The following MAPKAPK3 variants were observed in gnomAD, a reference collection of about 807,000 sequenced individuals.
MAPKAPK3 encodes MAP kinase-activated protein kinase 3.
In MAPKAPK3, 35 loss-of-function variants were observed where a neutral mutation model predicts 49.2. The ratio of observed to expected loss-of-function variants is 0.71; its 90% CI spans 0.54 to 0.94. The LOEUF is 0.94. MAPKAPK3 is among the 40% of genes least tolerant of loss of function. The probability of loss-of-function intolerance (pLI) is 0.00; values close to 1 mark genes in which losing one functional copy is unlikely to be tolerated. For synonymous variants in MAPKAPK3, 178 were observed against 188.7 expected (o/e 0.94, Z 0.46); for missense variants, 398 against 493.1 (o/e 0.81, Z 1.83).
intron 8 of MAPKAPK3, 31 bp from the exon 9 acceptor site, chr3:50,646,709 A>G (rs373134705): frequency 5.9e-6 from 9 of 1,536,734 alleles, no homozygotes; most frequent in Non-Finnish European, 8.1e-6. Flanking sequence ...CTGCAATCTC[A>G]TCTCTCCCCT....
intron 2 of MAPKAPK3, among the ~76,000 whole-genome samples, chr3:50,633,779 C>A (rs2032970468): frequency 6.6e-6 from 1 of 152,238 alleles, no homozygotes. Context: ...CCAAGCATTC[C>A]CATGAGATAA....
rs776893798 is a variant in MAPKAPK3, at chr3:50,647,872, C to CAG, written c.997-22_997-21insAG. 8.1e-6 allele frequency: 13 copies of CAG among 1,604,578 alleles called. No homozygotes were observed. The South Asian group carries it at 1.4e-4, about 18-fold the overall frequency. On this transcript the variant is annotated intron_variant, in intron 10 of 10. Coordinates refer to ENST00000621469, the MANE Select transcript of MAPKAPK3 (RefSeq NM_001243925.2). ...TCAGTACATCCTGACCTCTTAGTGC[C>CAG]CACCATCCTGTCTGTCCCCAGGAGG... is the stretch of plus-strand genomic sequence containing the variant.
intron 5 of MAPKAPK3, among the ~76,000 whole-genome samples, 156 bp from the exon 6 acceptor site, chr3:50,644,253 G>A (rs1027010905): frequency 2.0e-5 from 3 of 152,096 alleles, no homozygotes; most frequent in Non-Finnish European, 4.4e-5. Flanking sequence ...CTCTATATTT[G>A]GCCCATGTTA....
At chr3:50,647,750 C>T in intron 10 of MAPKAPK3, 144 bp from the exon 11 acceptor site, 1 of 739,388 alleles carries the variant, frequency 1.4e-6, no homozygotes, top group Non-Finnish European at 2.3e-6. Flanking sequence ...ATGCAAAGGG[C>T]TTGGCCCAGT....
At chr3:50,646,670 GT>G in intron 8 of MAPKAPK3, 69 bp from the exon 9 acceptor site, 2 of 1,374,424 alleles carry the variant, frequency 1.5e-6, no homozygotes, top group Non-Finnish European at 2.1e-6. Flanking sequence ...AGAGCTTGTG[GT>G]CTGTGGGGAA....
upstream of MAPKAPK3, among the ~76,000 whole-genome samples, chr3:50,614,938 A>G (rs902369021): frequency 6.6e-6 from 1 of 152,240 alleles, no homozygotes; most frequent in African/African-American, 2.4e-5. Flanking sequence ...TTACTTATGC[A>G]ACTTAAAATT....
intron 2 of MAPKAPK3, among the ~76,000 whole-genome samples, chr3:50,625,369 G>T (rs550824876): frequency 7.2e-5 from 11 of 152,176 alleles, no homozygotes; most frequent in African/African-American, 2.7e-4. Flanking sequence ...AAAGAATGGC[G>T]TGAAGGGAGC....
upstream of MAPKAPK3, chr3:50,613,702 A>T (rs1264399550): frequency 6.6e-6 from 1 of 152,214 alleles, no homozygotes; most frequent in Non-Finnish European, 1.5e-5. Flanking sequence ...ATGACTATTC[A>T]ACTGAACACT....
intron 2 of MAPKAPK3, among the ~76,000 whole-genome samples, chr3:50,629,308 C>T (rs1231825317): frequency 2.0e-5 from 3 of 152,126 alleles, no homozygotes; most frequent in Non-Finnish European, 4.4e-5. Flanking sequence ...CTAGCTTTCC[C>T]TGAATTCTGG....
intron 2 of MAPKAPK3, among the ~76,000 whole-genome samples, chr3:50,632,702 T>C (rs182783937): frequency 2.3e-3 from 347 of 152,388 alleles, no homozygotes; most frequent in African/African-American, 8.0e-3. Flanking sequence ...GTGGGTGTTC[T>C]GGCAGAGGCC....
intron 2 of MAPKAPK3, among the ~76,000 whole-genome samples, chr3:50,620,890 A>G (rs2032594329): frequency 6.6e-6 from 1 of 152,186 alleles, no homozygotes. Context: ...GCCCTCTCCC[A>G]GGCTTAACTA....
intron 2 of MAPKAPK3, among the ~76,000 whole-genome samples, chr3:50,638,733 G>T (rs1217719857): frequency 6.6e-6 from 1 of 152,230 alleles, no homozygotes; most frequent in African/African-American, 2.4e-5. Context: ...GACCCAGTTT[G>T]TCTTTACCTA....
At chr3:50,624,037 C>T (rs143295644) in intron 2 of MAPKAPK3, among the ~76,000 whole-genome samples, 83 of 152,368 alleles carry the variant, frequency 5.4e-4, no homozygotes, top group African/African-American at 1.9e-3. Flanking sequence ...TCAGAAAGGT[C>T]GTGTGCCTTT....
intron 2 of MAPKAPK3, among the ~76,000 whole-genome samples, chr3:50,622,926 C>T (rs1575997681): frequency 6.6e-6 from 1 of 152,324 alleles, no homozygotes; most frequent in East Asian, 1.9e-4. Context: ...GCAATGGATC[C>T]AGAGCCCAGT....
At chr3:50,630,741 G>A (rs896182232) in intron 2 of MAPKAPK3, among the ~76,000 whole-genome samples, 1 of 152,358 alleles carries the variant, frequency 6.6e-6, no homozygotes. Context: ...CATGGAAAAG[G>A]GGTGAAGCAG....
chr3:50,619,437 G>A (rs186523163), intron 2 of MAPKAPK3, among the ~76,000 whole-genome samples: 52 of 152,262 alleles, frequency 3.4e-4, no homozygotes, highest in African/African-American at 1.2e-3. Flanking sequence ...GAATGGGGTC[G>A]GGGAGCTTTT....
intron 2 of MAPKAPK3, among the ~76,000 whole-genome samples, chr3:50,639,571 G>A (rs768547887): frequency 5.3e-5 from 8 of 152,210 alleles, no homozygotes; most frequent in Non-Finnish European, 1.0e-4. Flanking sequence ...TTGGTAGTGA[G>A]AGTTTTGTTC....
Position 50,646,089 on chromosome 3 carries a change from C to T in MAPKAPK3, c.705-51C>T, listed in dbSNP as rs1559490892. The stretch of plus-strand genomic sequence containing the variant: ...AGGGGCTTTTGAGGGGAAATGGGTC[C>T]ACCCTGGCACTGCTCCCACCCTATG... On this transcript the variant is annotated intron_variant, in intron 7 of 10. Coordinates refer to ENST00000621469, the MANE Select transcript of MAPKAPK3 (RefSeq NM_001243925.2). The T allele has an allele frequency of 1.9e-6, 3 of 1,584,566 alleles. No individual in the cohort carries two copies. In the East Asian group the frequency reaches 6.7e-5, roughly 36 times the overall value.
chr3:50,640,430 C>A lies in MAPKAPK3; in HGVS notation c.284C>A (p.Pro95His). The A allele has an allele frequency of 1.2e-6, 2 of 1,614,142 alleles. No individual in the cohort carries two copies. Among genetic ancestry groups the A allele is most frequent in the Non-Finnish European group, 1.7e-6 (2 of 1,180,014 alleles). Reference sequence around the variant, plus strand: ...CATCACTGGCAGGCTTCTGGCGGCCCCCATATTGTCTGCATCCTGGATGTG... The same window carrying A: ...CATCACTGGCAGGCTTCTGGCGGCCACCATATTGTCTGCATCCTGGATGTG... ...VDHHWQASGG[P>H]HIVCILDVYE... The change falls in exon 3 of 11, where the codon CCC becomes CAC. Residue 95 changes from proline (P) to histidine (H), a missense_variant. Transcript: ENST00000621469.
Sources: allele counts gnomAD v4.1 joint callset (sites outside exome capture counted in the v4.1 genomes callset), GRCh38; gene constraint gnomAD v4.1.1; transcripts MANE v1.5; gene names NCBI Gene and HGNC (gene_info 2026-07-23, HGNC 2026-07-21).